NAALADL2: variants seen among roughly 807,000 people sequenced by gnomAD.
NAALADL2 encodes inactive N-acetylated-alpha-linked acidic dipeptidase-like protein 2.
Under a neutral mutation model 87.2 loss-of-function variants are expected in NAALADL2, and 76 were observed. That is an observed-to-expected ratio of 0.87 (90% CI 0.72 to 1.05). NAALADL2 has a LOEUF of 1.05. Among genes scored for constraint, NAALADL2 ranks in the 50% least tolerant of loss-of-function variants. The probability of loss-of-function intolerance (pLI) is 0.00; values close to 1 mark genes in which losing one functional copy is unlikely to be tolerated. For synonymous variants in NAALADL2, 354 were observed against 331.0 expected, an observed-to-expected ratio of 1.07 and a Z score of -0.75; for missense variants, 1,089 against 945.8, an observed-to-expected ratio of 1.15 and a Z score of -1.99.
intron 1 of NAALADL2, among the ~76,000 whole-genome samples, chr3:174,874,644 C>G (rs1396264412): frequency 3.9e-5 from 6 of 152,090 alleles, no homozygotes; most frequent in Non-Finnish European, 8.8e-5. Flanking sequence ...GAAAAAATAA[C>G]CTTGACTGGG....
chr3:175,056,274 T>A (rs1712147786), intron 1 of NAALADL2, among the ~76,000 whole-genome samples: 1 of 152,194 alleles, frequency 6.6e-6, no homozygotes, highest in Admixed American at 6.5e-5. Context: ...TTCTGTTACT[T>A]GGTTATACTC....
At chr3:175,153,123 G>A (rs1409265540) in intron 2 of NAALADL2, among the ~76,000 whole-genome samples, 1 of 151,756 alleles carries the variant, frequency 6.6e-6, no homozygotes, top group Non-Finnish European at 1.5e-5. Flanking sequence ...TTAGTAACAG[G>A]AAGTATACAA....
intron 1 of NAALADL2, among the ~76,000 whole-genome samples, chr3:174,506,919 G>T (rs1471632125): frequency 1.3e-5 from 2 of 151,528 alleles, no homozygotes; most frequent in East Asian, 3.9e-4. Flanking sequence ...ATAACTCCTT[G>T]TATTTATTAA....
In NAALADL2 at chr3:175,141,860, G is replaced by A. The variant is rs1730044903; in HGVS notation, c.545+44569G>A. Among the ~76,000 whole-genome samples, 4 of 152,052 alleles carry A rather than the reference G, an allele frequency of 2.6e-5. No individual in the cohort carries two copies. In the South Asian group the frequency reaches 8.3e-4, roughly 32 times the overall value. ...TCACCTTTTTATTCAAATGATCAAGGTATTTTAAGCGCTGGCAGAGTGGAT... is the reference window on the plus strand; with the variant it reads ...TCACCTTTTTATTCAAATGATCAAGATATTTTAAGCGCTGGCAGAGTGGAT... On this transcript the variant is annotated intron_variant, in intron 2 of 13. Coordinates refer to ENST00000454872, the MANE Select transcript of NAALADL2 (RefSeq NM_207015.3).
chr3:174,499,388 T>C (rs1175257495), intron 1 of NAALADL2, among the ~76,000 whole-genome samples: 1 of 152,116 alleles, frequency 6.6e-6, no homozygotes, highest in Admixed American at 6.5e-5. Flanking sequence ...TTCATTGTTT[T>C]AACAGTGTCA....
chr3:175,318,752 C>G (rs1483778508), intron 4 of NAALADL2, among the ~76,000 whole-genome samples: 1 of 152,136 alleles, frequency 6.6e-6, no homozygotes, highest in Non-Finnish European at 1.5e-5. Context: ...ATATTTCCAT[C>G]TCCCTCAAAA....
chr3:174,829,188 A>G lies in NAALADL2; in HGVS notation c.-9+91442A>G, dbSNP rs987622101. Among the ~76,000 whole-genome samples the G allele has an allele frequency of 2.0e-5, 3 of 151,902 alleles. No individual in the cohort carries two copies. In the South Asian group the frequency reaches 6.2e-4, roughly 32 times the overall value. Reference sequence around the variant, plus strand: ...GTGCAGGTTAGTTACATATGTATACATGTGCCATGCTGGTGCGCTGCACCC... The same window carrying G: ...GTGCAGGTTAGTTACATATGTATACGTGTGCCATGCTGGTGCGCTGCACCC... On this transcript the variant is annotated intron_variant, in intron 3 of 3. Transcript: ENST00000434257.
intron 3 of NAALADL2, among the ~76,000 whole-genome samples, chr3:175,240,102 A>C (rs952929281): frequency 2.2e-4 from 33 of 152,276 alleles, no homozygotes; most frequent in African/African-American, 7.2e-4. Context: ...TAGGGAAGAA[A>C]ATGCCTAGGC....
intron 9 of NAALADL2, among the ~76,000 whole-genome samples, chr3:175,477,578 G>T (rs544210906): frequency 1.4e-4 from 22 of 152,140 alleles, no homozygotes; most frequent in African/African-American, 5.3e-4. Context: ...TTCTATTTTT[G>T]CTCCATCCTG....
Position 174,631,181 on chromosome 3 carries a change from G to A in NAALADL2, c.-115+80544G>A, listed in dbSNP as rs1055810219. ...TGACTTATTCCATAGATCATAAAGA[G>A]TAAAGAAAGCATTTACAGTGTATAC... On this transcript the variant is annotated intron_variant, in intron 2 of 3. Coordinates refer to the NAALADL2 transcript ENST00000434257. Among the ~76,000 whole-genome samples, 10 of 152,080 alleles carry A rather than the reference G, an allele frequency of 6.6e-5. 1 individual carries two copies. Among genetic ancestry groups the A allele is most frequent in the African/African-American group, 1.9e-4 (8 of 41,420 alleles).
chr3:175,564,137 AT>A (rs532863039), intron 9 of NAALADL2, among the ~76,000 whole-genome samples: 1 of 151,332 alleles, frequency 6.6e-6, no homozygotes, highest in Non-Finnish European at 1.5e-5. Context: ...GCATTTTTCA[AT>A]TTTTTTTCTC....
chr3:174,884,465 C>T (rs1425329297), intron 1 of NAALADL2, among the ~76,000 whole-genome samples: 2 of 152,104 alleles, frequency 1.3e-5, no homozygotes, highest in Non-Finnish European at 2.9e-5. Flanking sequence ...AGCATGAGCC[C>T]ATTGTCACAC....
chr3:175,351,935 C>T (rs17283708), intron 5 of NAALADL2, among the ~76,000 whole-genome samples: 11,883 of 152,106 alleles, frequency 0.078, 601 homozygotes, highest in Non-Finnish European at 0.12. Flanking sequence ...TCATTTTATC[C>T]AAACCAGCAA....
intron 1 of NAALADL2, among the ~76,000 whole-genome samples, chr3:175,075,407 C>T (rs1716413938): frequency 6.6e-6 from 1 of 152,176 alleles, no homozygotes; most frequent in Non-Finnish European, 1.5e-5. Context: ...CTTTCTAAAA[C>T]ATTTTACATT....
At chr3:174,653,013 C>T (rs1404516704) in intron 2 of NAALADL2, among the ~76,000 whole-genome samples, 1 of 152,136 alleles carries the variant, frequency 6.6e-6, no homozygotes, top group Non-Finnish European at 1.5e-5. Flanking sequence ...TAAAATGCCA[C>T]ACTACACACT....
intron 2 of NAALADL2, among the ~76,000 whole-genome samples, chr3:174,606,332 C>T (rs113156116): frequency 3.3e-5 from 5 of 152,182 alleles, no homozygotes; most frequent in Admixed American, 1.3e-4. Context: ...ATGACTTTGA[C>T]GAGTTGAGAG....
At chr3:175,652,783 C>T in intron 11 of NAALADL2, among the ~76,000 whole-genome samples, 1 of 152,138 alleles carries the variant, frequency 6.6e-6, no homozygotes. Flanking sequence ...TAAGAATCAT[C>T]TGTAAACTAT....
intron 1 of NAALADL2, among the ~76,000 whole-genome samples, chr3:174,525,238 T>C (rs1214025155): frequency 6.6e-6 from 1 of 152,250 alleles, no homozygotes; most frequent in East Asian, 1.9e-4. Context: ...TCTTTATGAC[T>C]GTGCTAGTCC....
rs537599632 is a variant in NAALADL2 at position 175,441,972 on chromosome 3, C to T, written c.1091-5257C>T. On this transcript the variant is annotated intron_variant, in intron 5 of 13. Transcript: ENST00000454872. The stretch of plus-strand genomic sequence containing the variant: ...TTTTTATTTTTTTGAGATGGAGTCT[C>T]GCTCTTTTGCCCAGATTAGAGTGCA... Among the ~76,000 whole-genome samples the T allele has an allele frequency of 2.6e-4, 39 of 152,072 alleles. No homozygotes were observed. In the South Asian group the frequency reaches 3.1e-3, roughly 12 times the overall value.
Sources: allele counts gnomAD v4.1 joint callset (sites outside exome capture counted in the v4.1 genomes callset), GRCh38; gene constraint gnomAD v4.1.1; transcripts MANE v1.5; gene names NCBI Gene and HGNC (gene_info 2026-07-23, HGNC 2026-07-21).